The following ADGRG4 variants were observed in gnomAD, a reference collection of about 807,000 sequenced individuals.
The protein encoded by ADGRG4 is adhesion G protein-coupled receptor G4, also known as G protein-coupled receptor 112.
ADGRG4 carries 122 observed loss-of-function variants against 126.2 expected under a neutral mutation model. The ratio of observed to expected loss-of-function variants is 0.97; its 90% confidence interval spans 0.83 to 1.12. The LOEUF is 1.12. Ranked by LOEUF, ADGRG4 falls within the 50% of genes most tolerant of loss-of-function variation. ADGRG4 has a pLI of 0.00. For missense variants in ADGRG4, 2,481 were observed against 2,251.8 expected (o/e 1.10, Z -2.06); for synonymous variants, 943 against 838.7 (o/e 1.12, Z -2.15).
At chrX:136,407,288 C>T (rs1042778775) in intron 23 of ADGRG4, among the ~76,000 whole-genome samples, 3 of 110,819 alleles carry the variant, frequency 2.7e-5, no homozygotes, top group African/African-American at 9.9e-5. Context: ...TTACATTCCC[C>T]CTTTCTTGGA....
intron 5 of ADGRG4, among the ~76,000 whole-genome samples, chrX:136,332,660 A>G (rs2148457286): frequency 9.2e-6 from 1 of 108,792 alleles, no homozygotes; most frequent in African/African-American, 3.3e-5. Flanking sequence ...CATCCTCTCC[A>G]GCACCTGTTG....
At position 136,416,456 on chromosome X, in the gene ADGRG4, G is replaced by A. The variant is rs369854851; in HGVS notation, c.9208G>A (p.Asp3070Asn). 8.3e-6 allele frequency: 10 copies of A among 1,200,429 alleles called. No homozygotes were observed. Among genetic ancestry groups the A allele is most frequent in the Non-Finnish European group, 1.0e-5 (9 of 888,701 alleles). ...TTTTCTTTTTTTCTTTACTGCAGAT[G>A]ACTTTGACAAAGATCCTTACTGTTC... ...TPSEISFPNDDFDKDPYCSSP is the reference protein window; with the variant it reads ...TPSEISFPNDNFDKDPYCSSP The change falls in exon 26 of 26, where the codon GAC becomes AAC. Residue 3070 changes from aspartate (D) to asparagine (N), a missense_variant and splice_region_variant. Asp to Asn is a conservative substitution (Grantham distance 23). Transcript: ENST00000394143.
At position 136,344,819 on chromosome X, in the gene ADGRG4, T is replaced by A; in HGVS notation, c.1113T>A (p.Ser371=). The A allele has an allele frequency of 1.2e-5, 14 of 1,207,227 alleles. No homozygotes were observed. The highest frequency in any genetic ancestry group is 1.5e-5 in the Non-Finnish European group (13 of 891,330). Reference sequence around the variant, plus strand: ...AAATCTTTCAACCACCTACACCTTCTAATTTCCTATCCACATCCAGATTTA... The same window carrying A: ...AAATCTTTCAACCACCTACACCTTCAAATTTCCTATCCACATCCAGATTTA... ...ATEIFQPPTP[S]NFLSTSRFTK... is the part of the protein sequence containing the mutation. The change falls in exon 6 of 26, where the codon TCT becomes TCA. Residue 371 remains serine, a synonymous_variant. Coordinates refer to ENST00000394143, the MANE Select transcript of ADGRG4 (RefSeq NM_153834.4).
intron 4 of ADGRG4, among the ~76,000 whole-genome samples, chrX:136,309,431 A>C (rs2074754187): frequency 1.8e-5 from 2 of 112,423 alleles, no homozygotes; most frequent in South Asian, 7.4e-4. Context: ...AGTAGCTGGT[A>C]ATTTGGAGAC....
intron 22 of ADGRG4, among the ~76,000 whole-genome samples, chrX:136,404,249 C>G (rs186055123): frequency 6.4e-5 from 7 of 110,222 alleles, no homozygotes; most frequent in African/African-American, 2.3e-4. Context: ...TCTCATCTCC[C>G]CCTCCATCCT....
At position 136,397,968 on chromosome X, in the gene ADGRG4, C is replaced by T. The variant is rs751113276; in HGVS notation, c.8272C>T (p.Leu2758=). 63 of 1,203,239 alleles carry T rather than the reference C, an allele frequency of 5.2e-5. No homozygotes were observed. In the African/African-American group the frequency reaches 9.6e-4, roughly 18 times the overall value. The stretch of plus-strand genomic sequence containing the variant: ...CGGATGTGGAATCTCCTCCATTTTT[C>T]TGGGAGTTGCAGTGGTGACATACAT... ...YTGCGISSIF[L]GVAVVTYIAF... Residue 2758 remains leucine (L), a synonymous_variant, in exon 20 of 26, where the codon CTG becomes TTG. Transcript: ENST00000394143.
At chrX:136,373,944 A>G (rs899648685) in intron 15 of ADGRG4, among the ~76,000 whole-genome samples, 1 of 111,608 alleles carries the variant, frequency 9.0e-6, no homozygotes, top group African/African-American at 3.3e-5. Flanking sequence ...CAGCCTAGGC[A>G]ACAGAGCAAG....
In ADGRG4 at chrX:136,395,437, A is replaced by T; in HGVS notation, c.8128A>T (p.Asn2710Tyr). ...NSSGCKVKET[N>Y]VNYTICQCDH... ...GTCAGGCTGTAAAGTAAAGGAAACA[A>T]ATGTAAATTACACAATCTGTCAGTG... The change falls in exon 19 of 26, where the codon AAT (asparagine) becomes TAT (tyrosine). Residue 2710 changes from asparagine (N) to tyrosine (Y), a missense_variant. Asn to Tyr is a moderately radical substitution (Grantham distance 143). Coordinates refer to ENST00000394143, the MANE Select transcript of ADGRG4 (RefSeq NM_153834.4). The T allele has an allele frequency of 8.3e-7, 1 of 1,204,906 alleles. No individual in the cohort carries two copies. Among genetic ancestry groups the T allele is most frequent in the Non-Finnish European group, 1.1e-6 (1 of 889,691 alleles).
At chrX:136,306,096 AC>A (rs2074731609) in intron 3 of ADGRG4, 1 of 111,824 alleles carries the variant, frequency 8.9e-6, no homozygotes, top group Non-Finnish European at 1.9e-5. Context: ...TTCACATCAA[AC>A]ATAGGAATTT....
chrX:136,352,054 C>T (rs888440319), intron 7 of ADGRG4, among the ~76,000 whole-genome samples: 31 of 111,787 alleles, frequency 2.8e-4, no homozygotes, highest in Admixed American at 2.1e-3. Flanking sequence ...TAAATGTCCT[C>T]TCTCTAATAC....
At chrX:136,317,573 G>A in intron 4 of ADGRG4, among the ~76,000 whole-genome samples, 1 of 101,591 alleles carries the variant, frequency 9.8e-6, no homozygotes, top group Admixed American at 1.0e-4. Flanking sequence ...TAAAAGAAAA[G>A]AAAAATTCGA....
At chrX:136,360,746 A>G (rs774394443) in intron 11 of ADGRG4, among the ~76,000 whole-genome samples, 6 of 110,153 alleles carry the variant, frequency 5.4e-5, no homozygotes, top group Non-Finnish European at 9.5e-5. Flanking sequence ...CATATAACAA[A>G]CAAACAAACA....
chrX:136,392,899 A>G (rs774262054), intron 17 of ADGRG4, among the ~76,000 whole-genome samples: 2 of 112,023 alleles, frequency 1.8e-5, no homozygotes, highest in African/African-American at 3.2e-5. Flanking sequence ...AAGACCATAT[A>G]GTTCAGCATA....
At position 136,349,895 on chromosome X, in the gene ADGRG4, T is replaced by C. The variant is rs762559166; in HGVS notation, c.6189T>C (p.Thr2063=). Residue 2063 remains threonine, a synonymous_variant, in exon 6 of 26, where the codon ACT becomes ACC. Coordinates refer to ENST00000394143, the MANE Select transcript of ADGRG4 (RefSeq NM_153834.4). The part of the protein sequence containing the change: ...FTNLTTLPSA[T]MSTILTRTIP... ...ACTTGACAACACTACCCTCTGCTACTATGAGCACCATACTCACCCGAACCA... is the reference window on the plus strand; with the variant it reads ...ACTTGACAACACTACCCTCTGCTACCATGAGCACCATACTCACCCGAACCA... 2 of 1,208,924 alleles carry C rather than the reference T, an allele frequency of 1.7e-6. No homozygotes were observed. The highest frequency in any genetic ancestry group is 3.5e-5 in the African/African-American group (2 of 57,022).
rs2075055901 is a variant in ADGRG4, at chrX:136,350,562, C to T, written c.6727+129C>T. 4 of 601,070 alleles carry T rather than the reference C, an allele frequency of 6.7e-6. No individual in the cohort carries two copies. In the South Asian group the frequency reaches 1.3e-4, roughly 19 times the overall value. The allele number at this position is 601,070 out of a possible 1,213,427, so 49.5% of individuals were successfully genotyped here. A position where few individuals can be genotyped will look rare whatever the true frequency, so the allele number is the denominator to read the frequency against. Reference sequence around the variant, plus strand: ...GAAGGGTGCAGGTGTTTCTTGTCTCCTTCAGACAGTGGGTACAGTGAGTAC... The same window carrying T: ...GAAGGGTGCAGGTGTTTCTTGTCTCTTTCAGACAGTGGGTACAGTGAGTAC... On this transcript the variant is annotated intron_variant, in intron 6 of 25. Transcript: ENST00000394143.
At chrX:136,311,100 A>T (rs2074767211) in intron 4 of ADGRG4, among the ~76,000 whole-genome samples, 1 of 110,517 alleles carries the variant, frequency 9.0e-6, no homozygotes, top group Non-Finnish European at 1.9e-5. Context: ...GAGAGAGAGC[A>T]AGAGAGCTCT....
In ADGRG4 at chrX:136,347,310, A is replaced by G. The variant is rs778145149; in HGVS notation, c.3604A>G (p.Thr1202Ala). Residue 1202 changes from threonine to alanine, a missense_variant, in exon 6 of 26, where the codon ACT (threonine) becomes GCT (alanine). Coordinates refer to ENST00000394143, the MANE Select transcript of ADGRG4 (RefSeq NM_153834.4). ...TGGTGGAGTTGTTGCCAGCTTGGCTACTGGCACCACAGAGACCTCTGTTGT... is the reference window on the plus strand; with the variant it reads ...TGGTGGAGTTGTTGCCAGCTTGGCTGCTGGCACCACAGAGACCTCTGTTGT... Reference protein sequence around the residue: ...SGGGVVASLATGTTETSVVDE... With the variant: ...SGGGVVASLAAGTTETSVVDE... 5.0e-6 allele frequency: 6 copies of G among 1,210,648 alleles called. No homozygotes were observed. In the Admixed American group the frequency reaches 1.3e-4, roughly 26 times the overall value.
Position 136,412,310 on chromosome X carries a change from G to T in ADGRG4, c.8981G>T (p.Arg2994Leu). ...VFHCVMKESVREQWQIHLCCG... is the reference protein window; with the variant it reads ...VFHCVMKESVLEQWQIHLCCG... Reference sequence around the variant, plus strand: ...CACTGTGTGATGAAGGAGAGTGTGCGGGAGCAGTGGCAGATACACCTCTGC... The same window carrying T: ...CACTGTGTGATGAAGGAGAGTGTGCTGGAGCAGTGGCAGATACACCTCTGC... Residue 2994 changes from arginine to leucine, a missense_variant, in exon 24 of 26, where the codon CGG (arginine) becomes CTG (leucine). Physicochemically the swap from Arg to Leu is moderately radical, Grantham distance 102 (BLOSUM62 -2). Coordinates refer to ENST00000394143, the MANE Select transcript of ADGRG4 (RefSeq NM_153834.4). The T allele has an allele frequency of 8.3e-7, 1 of 1,204,274 alleles. No individual in the cohort carries two copies. Among genetic ancestry groups the T allele is most frequent in the East Asian group, 3.0e-5 (1 of 33,826 alleles).
At position 136,323,234 on chromosome X, in the gene ADGRG4, G is replaced by A. The variant is rs749849930; in HGVS notation, c.527G>A (p.Arg176His). ...NESSEVKSMMRSFPGSLYYFQ... is the reference protein window; with the variant it reads ...NESSEVKSMMHSFPGSLYYFQ... ...AGCAGCGAGGTTAAAAGCATGATGC[G>A]TAGCTTTCCTGGCAGCTTGTACTAC... Residue 176 changes from arginine to histidine, a missense_variant, in exon 5 of 26, where the codon CGT becomes CAT. By Grantham distance (29) the Arg-to-His change is conservative. Coordinates refer to ENST00000394143, the MANE Select transcript of ADGRG4 (RefSeq NM_153834.4). 1.1e-5 allele frequency: 13 copies of A among 1,211,431 alleles called. No homozygotes were observed. Among genetic ancestry groups the A allele is most frequent in the Middle Eastern group, 4.6e-4 (2 of 4,352 alleles).
Sources: gnomAD v4.1 joint callset for allele counts (sites outside exome capture counted in the v4.1 genomes callset) on GRCh38, gnomAD v4.1.1 for gene constraint, MANE v1.5 for transcripts, NCBI Gene and HGNC (gene_info 2026-07-23, HGNC 2026-07-21) for gene names.